The following PLCE1 variants were observed in gnomAD, a reference collection of about 807,000 sequenced individuals.
PLCE1 encodes the protein phospholipase C epsilon 1.
Under a neutral mutation model 242.8 loss-of-function variants are expected in PLCE1, and 119 were observed. The observed-to-expected ratio is 0.49, with a 90% confidence interval of 0.42 to 0.57. PLCE1 has a LOEUF of 0.57. PLCE1 is among the 20% of genes least tolerant of loss of function. The pLI is 0.00. For missense variants in PLCE1, 2,441 were observed against 2,788.8 expected (o/e 0.88, Z 2.81); for synonymous variants, 945 against 1,017.4 (o/e 0.93, Z 1.35).
chr10:94,131,749 G>C (rs905917027), intron 2 of PLCE1, among the ~76,000 whole-genome samples: 13 of 152,202 alleles, frequency 8.5e-5, no homozygotes, highest in Admixed American at 6.5e-4. Flanking sequence ...TAAGCATGGA[G>C]AAAAGATTTC....
chr10:94,313,412 T>C (rs903134622), intron 28 of PLCE1, 30 bp downstream of exon 28: 8 of 1,613,770 alleles, frequency 5.0e-6, no homozygotes, highest in African/African-American at 1.3e-5. Context: ...GTTGGGAGAA[T>C]CCAAAATCTA....
Position 94,246,540 on chromosome 10 carries a change from C to T in PLCE1, c.3015C>T (p.Leu1005=), listed in dbSNP as rs1373127532. The change falls in exon 8 of 33, where the codon CTC becomes CTT. Residue 1005 remains leucine (L), a synonymous_variant. Transcript: ENST00000371380. The stretch of plus-strand genomic sequence containing the variant: ...TGCTCTTCAGCGGATTATTGGAACT[C>T]ACTAGAGCTGTGAGAAAGATGAGGA... ...AKMLFSGLLE[L]TRAVRKMRKF... 6.2e-7 allele frequency: 1 copy of T among 1,614,130 alleles called. No homozygotes were observed. Among genetic ancestry groups the T allele is most frequent in the South Asian group, 1.1e-5 (1 of 91,078 alleles).
In PLCE1 at chr10:94,132,435, T is replaced by C. The variant is rs760357464; in HGVS notation, c.1468T>C (p.Ser490Pro). The C allele has an allele frequency of 8.1e-6, 13 of 1,613,966 alleles. No homozygotes were observed. Among genetic ancestry groups the C allele is most frequent in the Non-Finnish European group, 1.0e-5 (12 of 1,179,984 alleles). The change falls in exon 3 of 33, where the codon TCC (serine) becomes CCC (proline). Residue 490 changes from serine (S) to proline (P), a missense_variant. Ser to Pro is a moderately conservative substitution (Grantham distance 74, BLOSUM62 -1). Coordinates refer to ENST00000371380, the MANE Select transcript of PLCE1 (RefSeq NM_016341.4). Reference protein sequence around the residue: ...RSGLLSTFGGSTGRMMLKERQ... With the variant: ...RSGLLSTFGGPTGRMMLKERQ... ...TGGCCTTCTCAGTACTTTTGGAGGA[T>C]CCACTGGACGAATGATGCTGAAAGG...
chr10:94,008,427 G>A (rs937532633), intron 1 of PLCE1, among the ~76,000 whole-genome samples: 5 of 152,002 alleles, frequency 3.3e-5, no homozygotes, highest in African/African-American at 1.2e-4. Flanking sequence ...TTCTGCCTTA[G>A]CCTCCTGAGT....
At chr10:94,053,297 G>T (rs1289822346) in intron 2 of PLCE1, among the ~76,000 whole-genome samples, 3 of 152,152 alleles carry the variant, frequency 2.0e-5, no homozygotes, top group Non-Finnish European at 4.4e-5. Flanking sequence ...AAGCAACATG[G>T]CACATAGAAA....
At chr10:94,321,140 C>T (rs1402400516) in intron 29 of PLCE1, among the ~76,000 whole-genome samples, 1 of 152,210 alleles carries the variant, frequency 6.6e-6, no homozygotes, top group African/African-American at 2.4e-5. Context: ...AGCCTTGTCA[C>T]TGCAGTTTTG....
intron 3 of PLCE1, among the ~76,000 whole-genome samples, chr10:94,142,593 A>G (rs972370839): frequency 2.6e-5 from 4 of 152,236 alleles, no homozygotes; most frequent in African/African-American, 9.6e-5. Context: ...TGTTCAACCA[A>G]TCTTATGATG....
At chr10:94,292,251 T>C (rs1390416574) in intron 22 of PLCE1, among the ~76,000 whole-genome samples, 1 of 152,206 alleles carries the variant, frequency 6.6e-6, no homozygotes, top group Non-Finnish European at 1.5e-5. Context: ...GACTGAGCAC[T>C]TCCCTGAACA....
intron 3 of PLCE1, among the ~76,000 whole-genome samples, chr10:94,170,127 G>C (rs961179929): frequency 1.3e-5 from 2 of 152,182 alleles, no homozygotes; most frequent in African/African-American, 4.8e-5. Context: ...GTCTGAATGT[G>C]AAGGAAGTCA....
chr10:94,053,386 C>CTTTA (rs1159172513), intron 2 of PLCE1, among the ~76,000 whole-genome samples: 1 of 152,228 alleles, frequency 6.6e-6, no homozygotes, highest in Non-Finnish European at 1.5e-5. Flanking sequence ...TTGTGAAGAT[C>CTTTA]TTTAGTACAG....
intron 2 of PLCE1, among the ~76,000 whole-genome samples, chr10:94,039,179 A>T (rs976112868): frequency 6.6e-6 from 1 of 152,182 alleles, no homozygotes; most frequent in Admixed American, 6.5e-5. Flanking sequence ...GATTATTATG[A>T]ATAATACTGC....
intron 1 of PLCE1, among the ~76,000 whole-genome samples, chr10:93,999,644 A>G (rs553713639): frequency 1.3e-5 from 2 of 152,328 alleles, no homozygotes; most frequent in African/African-American, 2.4e-5. Context: ...GACAGCCCGA[A>G]GCCGTGGGAG....
chr10:94,197,777 G>T (rs552061533), intron 4 of PLCE1, among the ~76,000 whole-genome samples: 15 of 152,096 alleles, frequency 9.9e-5, no homozygotes, highest in Non-Finnish European at 1.9e-4. Context: ...GAGGTCAGGA[G>T]TTCAAGACCA....
At chr10:94,295,077 G>A (rs533642721) in intron 23 of PLCE1, among the ~76,000 whole-genome samples, 12 of 151,462 alleles carry the variant, frequency 7.9e-5, no homozygotes, top group South Asian at 6.3e-4. Context: ...CACCACGCCC[G>A]GCTACTTTTT....
intron 2 of PLCE1, among the ~76,000 whole-genome samples, chr10:94,081,738 A>T (rs1240154289): frequency 1.3e-5 from 2 of 152,222 alleles, no homozygotes; most frequent in Non-Finnish European, 2.9e-5. Context: ...TGAAGCTTAG[A>T]GTAGTTAAGT....
chr10:94,065,231 G>T (rs142967192), intron 2 of PLCE1, among the ~76,000 whole-genome samples: 1,815 of 152,198 alleles, frequency 0.012, 21 homozygotes, highest in Admixed American at 0.02. Flanking sequence ...GATTGTCTTT[G>T]TTTCAACTGT....
At chr10:94,077,418 GA>G in intron 2 of PLCE1, among the ~76,000 whole-genome samples, 1 of 152,322 alleles carries the variant, frequency 6.6e-6, no homozygotes, top group Admixed American at 6.5e-5. Flanking sequence ...ATGGTGCACT[GA>G]ATTCTATAGT....
intron 13 of PLCE1, among the ~76,000 whole-genome samples, chr10:94,260,896 ACT>A (rs1433387338): frequency 6.6e-6 from 1 of 151,692 alleles, no homozygotes; most frequent in African/African-American, 2.4e-5. Context: ...GTTCCAATAT[ACT>A]CTCTTCTACT....
intron 21 of PLCE1, 72 bp downstream of exon 21, chr10:94,283,983 C>T: frequency 1.3e-6 from 2 of 1,544,550 alleles, no homozygotes; most frequent in African/African-American, 1.4e-5. Context: ...TGAGATTCCA[C>T]TTGCTCCCTG....
Sources: gnomAD v4.1 joint callset for allele counts (sites outside exome capture counted in the v4.1 genomes callset) on GRCh38, gnomAD v4.1.1 for gene constraint, MANE v1.5 for transcripts, NCBI Gene and HGNC (gene_info 2026-07-23, HGNC 2026-07-21) for gene names.